Variants in DTWD2 observed in about 807,000 individuals in gnomAD.
DTWD2 encodes DTW motif tRNA-uridine aminocarboxypropyltransferase 2, also known as tRNA-uridine aminocarboxypropyltransferase 2.
In DTWD2, 39 loss-of-function variants were observed where a neutral mutation model predicts 31.8. That is an observed-to-expected ratio of 1.22 (90% CI 0.95 to 1.60). The LOEUF is 1.60. Among genes scored for constraint, DTWD2 ranks in the 40% most tolerant of loss-of-function variants. DTWD2 has a pLI of 0.00. For synonymous variants in DTWD2, 180 were observed against 142.8 expected, an observed-to-expected ratio of 1.26 and a Z score of -1.86; for missense variants, 515 against 381.5, an observed-to-expected ratio of 1.35 and a Z score of -2.92.
intron 5 of DTWD2, among the ~76,000 whole-genome samples, chr5:118,843,236 T>G (rs879767696): frequency 2.0e-5 from 3 of 150,038 alleles, no homozygotes; most frequent in African/African-American, 4.9e-5. Context: ...ATTACAGGTG[T>G]GAGCCACCGC....
intron 4 of DTWD2, among the ~76,000 whole-genome samples, chr5:118,862,283 T>C (rs1752279438): frequency 6.6e-6 from 1 of 152,158 alleles, no homozygotes; most frequent in Non-Finnish European, 1.5e-5. Flanking sequence ...CCAAAAAGGT[T>C]GGGGACTACT....
intron 1 of DTWD2, among the ~76,000 whole-genome samples, chr5:118,957,307 C>T (rs977204256): frequency 6.6e-6 from 1 of 152,090 alleles, no homozygotes; most frequent in Non-Finnish European, 1.5e-5. Flanking sequence ...CTGCAACCTC[C>T]ACATCCCGGG....
intron 4 of DTWD2, among the ~76,000 whole-genome samples, chr5:118,882,499 C>T (rs943155216): frequency 5.9e-5 from 9 of 152,248 alleles, no homozygotes; most frequent in Admixed American, 5.9e-4. Context: ...GCTCCAAACC[C>T]ACATTTCCCT....
chr5:118,918,229 A>G (rs1017507074), intron 4 of DTWD2, among the ~76,000 whole-genome samples: 1 of 152,270 alleles, frequency 6.6e-6, no homozygotes, highest in African/African-American at 2.4e-5. Flanking sequence ...TACAAGTAAT[A>G]CATTGCTCAC....
chr5:118,938,417 G>C (rs1203382320), intron 3 of DTWD2, among the ~76,000 whole-genome samples: 1 of 152,018 alleles, frequency 6.6e-6, no homozygotes, highest in Non-Finnish European at 1.5e-5. Flanking sequence ...ATTTACAAAG[G>C]ACACCAAAAG....
At chr5:118,907,079 T>C (rs1006030696) in intron 4 of DTWD2, among the ~76,000 whole-genome samples, 1 of 152,242 alleles carries the variant, frequency 6.6e-6, no homozygotes, top group Non-Finnish European at 1.5e-5. Flanking sequence ...CTTTAAATGA[T>C]AATCCACAGA....
chr5:118,928,728 C>A lies in DTWD2; in HGVS notation c.406G>T (p.Asp136Tyr). Reference protein sequence around the residue: ...KIGRRFSEERDPELSTVCRKS... With the variant: ...KIGRRFSEERYPELSTVCRKS... ...CGGCAAACAGTTGAAAGTTCAGGATCTCTGAAAAAGTTTTTTAAAAATATA... is the reference window on the plus strand; with the variant it reads ...CGGCAAACAGTTGAAAGTTCAGGATATCTGAAAAAGTTTTTTAAAAATATA... Residue 136 changes from aspartate to tyrosine, a missense_variant and splice_region_variant, in exon 4 of 6, where the codon GAT becomes TAT. Physicochemically the swap from Asp to Tyr is radical, Grantham distance 160. Coordinates refer to ENST00000510708, the MANE Select transcript of DTWD2 (RefSeq NM_173666.4). 1.3e-6 allele frequency: 2 copies of A among 1,547,180 alleles called. No homozygotes were observed. The highest frequency in any genetic ancestry group is 1.7e-6 in the Non-Finnish European group (2 of 1,150,746).
At chr5:118,950,872 T>TG (rs1754448361) in intron 1 of DTWD2, among the ~76,000 whole-genome samples, 1 of 152,150 alleles carries the variant, frequency 6.6e-6, no homozygotes, top group African/African-American at 2.4e-5. Flanking sequence ...AATCCTGTTG[T>TG]GGGGTTTGAG....
chr5:118,935,698 A>C (rs1488993486), intron 3 of DTWD2, among the ~76,000 whole-genome samples: 2 of 152,246 alleles, frequency 1.3e-5, no homozygotes, highest in African/African-American at 4.8e-5. Context: ...ACATAATAAT[A>C]CGAAATACAT....
At chr5:118,973,805 G>C in intron 1 of DTWD2, 4 of 1,612,088 alleles carry the variant, frequency 2.5e-6, no homozygotes, top group Non-Finnish European at 3.4e-6. Flanking sequence ...CATGTCAGAC[G>C]CAGCCGTAGA....
chr5:118,857,582 T>C (rs1266278192), intron 4 of DTWD2, among the ~76,000 whole-genome samples: 1 of 152,218 alleles, frequency 6.6e-6, no homozygotes, highest in African/African-American at 2.4e-5. Context: ...AATTATGCTT[T>C]CACTCTACTG....
At position 118,928,548 on chromosome 5, in the gene DTWD2, G is replaced by A. The variant is rs774247040; in HGVS notation, c.586C>T (p.His196Tyr). The change falls in exon 4 of 6, where the codon CAT (histidine) becomes TAT (tyrosine). Residue 196 changes from histidine (H) to tyrosine (Y), a missense_variant. Physicochemically the swap from His to Tyr is moderately conservative, Grantham distance 83. Transcript: ENST00000510708. ...DIFYKNSLFR[H>Y]PKQVQLKTSI... ...AATTACTAGTTTACCTGTTTGGGATGTCGGAACAAGGAGTTCTTATAGAAA... is the reference window on the plus strand; with the variant it reads ...AATTACTAGTTTACCTGTTTGGGATATCGGAACAAGGAGTTCTTATAGAAA... 8 of 1,504,506 alleles carry A rather than the reference G, an allele frequency of 5.3e-6. No homozygotes were observed. The highest frequency in any genetic ancestry group is 2.3e-4 in the Middle Eastern group (1 of 4,308). 93.2% of individuals were successfully genotyped at this position (1,504,506 alleles called of 1,614,324 possible). A position where few individuals can be genotyped will look rare whatever the true frequency, so the allele number is the denominator to read the frequency against.
chr5:118,955,977 A>T (rs1754575997), intron 1 of DTWD2, among the ~76,000 whole-genome samples: 2 of 152,228 alleles, frequency 1.3e-5, no homozygotes, highest in African/African-American at 4.8e-5. Context: ...CTAAAGAAAT[A>T]TACACTGGTC....
chr5:118,938,670 C>A (rs1354422572), intron 3 of DTWD2, among the ~76,000 whole-genome samples: 3 of 151,848 alleles, frequency 2.0e-5, no homozygotes, highest in Non-Finnish European at 4.4e-5. Flanking sequence ...GCCAAAATTG[C>A]ACCACTGCAC....
rs1190328531 is a variant in DTWD2 at position 118,837,034 on chromosome 5, A to G, written c.*3883T>C. ...TGTAAACTGTTAAGACCACTACAGT[A>G]TCTTTTGTTTAAAAACATGCTATGT... On this transcript the variant is annotated 3_prime_UTR_variant, in exon 6 of 6. Transcript: ENST00000510708. Among the ~76,000 whole-genome samples the G allele has an allele frequency of 6.6e-6, 1 of 152,218 alleles. No homozygotes were observed. Among genetic ancestry groups the G allele is most frequent in the African/African-American group, 2.4e-5 (1 of 41,454 alleles).
At chr5:118,961,078 T>TAAAA (rs55699245) in intron 1 of DTWD2, among the ~76,000 whole-genome samples, 1 of 150,248 alleles carries the variant, frequency 6.7e-6, no homozygotes, top group Non-Finnish European at 1.5e-5. Context: ...AACTAAAAGT[T>TAAAA]AAAAAAAAAA....
intron 1 of DTWD2, chr5:118,974,804 T>A (rs1478060174): frequency 2.6e-5 from 10 of 388,850 alleles, no homozygotes; most frequent in Non-Finnish European, 5.2e-5. Context: ...GCTGAGTTGT[T>A]CTAACAAAAA....
chr5:118,974,977 T>C (rs1755114287), intron 1 of DTWD2, among the ~76,000 whole-genome samples: 1 of 152,228 alleles, frequency 6.6e-6, no homozygotes, highest in South Asian at 2.1e-4. Context: ...CATTTCAACC[T>C]TGGTGAATCT....
At chr5:118,931,799 C>G (rs897312264) in intron 3 of DTWD2, among the ~76,000 whole-genome samples, 1 of 152,144 alleles carries the variant, frequency 6.6e-6, no homozygotes, top group African/African-American at 2.4e-5. Context: ...TTCTCAAGTT[C>G]ACATGAAACA....
Sources: allele counts gnomAD v4.1 joint callset (sites outside exome capture counted in the v4.1 genomes callset), GRCh38; gene constraint gnomAD v4.1.1; transcripts MANE v1.5; gene names NCBI Gene and HGNC (gene_info 2026-07-23, HGNC 2026-07-21).